Variants in CALN1 observed in about 807,000 individuals in gnomAD.
CALN1 encodes calcium-binding protein 8.
CALN1 carries 17 observed loss-of-function variants against 30.6 expected under a neutral mutation model. The ratio of observed to expected loss-of-function variants is 0.56; its 90% confidence interval spans 0.38 to 0.83. CALN1 has a LOEUF of 0.83. CALN1 is among the 40% of genes least tolerant of loss of function. The pLI, the probability that CALN1 is intolerant of heterozygous loss-of-function variation, is 0.00. For synonymous variants in CALN1, 156 were observed against 131.4 expected (o/e 1.19, Z -1.28); for missense variants, 291 against 354.9 (o/e 0.82, Z 1.45).
intron 2 of CALN1, among the ~76,000 whole-genome samples, chr7:72,342,863 A>C (rs1802446480): frequency 6.6e-6 from 1 of 152,210 alleles, no homozygotes; most frequent in Non-Finnish European, 1.5e-5. Flanking sequence ...TAGAAAAAAA[A>C]AATCATTCAA....
intron 5 of CALN1, among the ~76,000 whole-genome samples, chr7:71,882,233 T>G (rs1344229844): frequency 6.6e-6 from 1 of 152,174 alleles, no homozygotes; most frequent in Non-Finnish European, 1.5e-5. Flanking sequence ...AAGCCAGCAG[T>G]GTTGCATCTC....
chr7:72,116,087 G>A (rs1423517862), intron 3 of CALN1, among the ~76,000 whole-genome samples: 2 of 152,084 alleles, frequency 1.3e-5, no homozygotes, highest in Non-Finnish European at 1.5e-5. Context: ...TTTAAAAAGG[G>A]ATTGTGACTC....
chr7:71,850,967 C>G (rs1471562432), intron 5 of CALN1, among the ~76,000 whole-genome samples: 7 of 152,074 alleles, frequency 4.6e-5, no homozygotes, highest in African/African-American at 1.7e-4. Flanking sequence ...AATCCCAGAG[C>G]ATTGGGAGAC....
intron 3 of CALN1, among the ~76,000 whole-genome samples, chr7:72,145,070 G>T (rs1225052121): frequency 6.6e-6 from 1 of 152,186 alleles, no homozygotes; most frequent in East Asian, 1.9e-4. Flanking sequence ...AACTAGAGAA[G>T]CAAGAGCAAA....
chr7:72,359,218 CAG>C (rs1384438170), intron 2 of CALN1, among the ~76,000 whole-genome samples: 2 of 152,170 alleles, frequency 1.3e-5, no homozygotes, highest in African/African-American at 4.8e-5. Flanking sequence ...CAGACCATGT[CAG>C]AGTCACTCTT....
chr7:72,351,388 G>A (rs1217852286), intron 2 of CALN1, among the ~76,000 whole-genome samples: 1 of 151,912 alleles, frequency 6.6e-6, no homozygotes, highest in African/African-American at 2.4e-5. Flanking sequence ...CAGAAACTTA[G>A]GAATGATAAG....
chr7:72,290,978 T>C (rs1585379461), intron 2 of CALN1, among the ~76,000 whole-genome samples: 1 of 151,560 alleles, frequency 6.6e-6, no homozygotes, highest in Admixed American at 6.6e-5. Flanking sequence ...GGCTGGAGTG[T>C]AGTGGTGCAA....
At position 71,779,890 on chromosome 7, in the gene CALN1, T is replaced by A. The variant is rs570349509; in HGVS notation, c.*7885A>T. ...GAGAGCTGCCAAGCTCCAATCGTCC[T>A]GGCCATGATCAATCCCCAGCTGTGC... On this transcript the variant is annotated 3_prime_UTR_variant, in exon 7 of 7. Transcript: ENST00000395275. 3 of 152,322 alleles carry A rather than the reference T, an allele frequency of 2.0e-5. No homozygotes were observed. Among genetic ancestry groups the A allele is most frequent in the Non-Finnish European group, 4.4e-5 (3 of 68,036 alleles). 9.4% of individuals were successfully genotyped at this position (152,322 alleles called of 1,614,324 possible).
rs969829170 is a variant in CALN1 at position 71,946,610 on chromosome 7, C to T, written c.501+77047G>A. Among the ~76,000 whole-genome samples, 6 of 152,116 alleles carry T rather than the reference C, an allele frequency of 3.9e-5. No homozygotes were observed. In the East Asian group the frequency reaches 1.2e-3, roughly 29 times the overall value. On this transcript the variant is annotated intron_variant, in intron 5 of 6. Coordinates refer to ENST00000395275, the MANE Select transcript of CALN1 (RefSeq NM_031468.4). Reference sequence around the variant, plus strand: ...CTCCTGGGCTCAAGCAATCCTCCTGCGTTTGCCTCTAAAAATGCTCAGATT... The same window carrying T: ...CTCCTGGGCTCAAGCAATCCTCCTGTGTTTGCCTCTAAAAATGCTCAGATT...
At chr7:72,370,680 T>A (rs994705680) in intron 2 of CALN1, among the ~76,000 whole-genome samples, 2 of 151,606 alleles carry the variant, frequency 1.3e-5, no homozygotes, top group South Asian at 2.1e-4. Flanking sequence ...AAAGTAAAAT[T>A]AATATAGGCA....
chr7:71,921,117 C>G (rs888188623), intron 5 of CALN1, among the ~76,000 whole-genome samples: 2 of 152,148 alleles, frequency 1.3e-5, no homozygotes, highest in African/African-American at 4.8e-5. Context: ...GAAGACCAAA[C>G]ACCACATACT....
chr7:71,895,206 T>C (rs980107110), intron 5 of CALN1, among the ~76,000 whole-genome samples: 11 of 152,184 alleles, frequency 7.2e-5, no homozygotes, highest in Non-Finnish European at 1.5e-4. Flanking sequence ...CCACCTTCCT[T>C]GACCTCCCAA....
the CALN1 span, among the ~76,000 whole-genome samples, chr7:72,499,774 T>TTTCCTTCCTTCC: frequency 5.4e-4 from 64 of 118,726 alleles, no homozygotes; most frequent in East Asian, 1.1e-3. Context: ...ACTTTCTTTC[T>TTTCCTTCCTTCC]TTCCTTCCTT....
intron 3 of CALN1, among the ~76,000 whole-genome samples, chr7:72,119,611 A>G (rs1808238167): frequency 1.3e-5 from 2 of 150,798 alleles, no homozygotes; most frequent in Non-Finnish European, 3.0e-5. Flanking sequence ...GGTAATTTAT[A>G]AAGAAAAAGG....
chr7:71,827,771 T>TAAAAAAAA (rs1554347602), intron 5 of CALN1, among the ~76,000 whole-genome samples: 7 of 96,838 alleles, frequency 7.2e-5, no homozygotes, highest in African/African-American at 2.0e-4. Flanking sequence ...GACTCCATCT[T>TAAAAAAAA]AAAAAAATAA....
At chr7:72,110,656 C>CT (rs111431336) in intron 3 of CALN1, among the ~76,000 whole-genome samples, 35,557 of 139,588 alleles carry the variant, frequency 0.25, 5,201 homozygotes, top group Non-Finnish European at 0.34. Context: ...ACCTCACTAA[C>CT]TTTTTTTTTT....
At chr7:72,023,321 A>G (rs992301627) in intron 5 of CALN1, among the ~76,000 whole-genome samples, 56 of 152,174 alleles carry the variant, frequency 3.7e-4, no homozygotes, top group African/African-American at 1.3e-3. Flanking sequence ...CTCAGCAAAG[A>G]TATCCCGGAA....
At chr7:72,323,956 A>G (rs1251114831) in intron 2 of CALN1, among the ~76,000 whole-genome samples, 1 of 151,996 alleles carries the variant, frequency 6.6e-6, no homozygotes, top group Non-Finnish European at 1.5e-5. Context: ...AGGCAGGAGG[A>G]TCACTTAAGC....
chr7:71,842,521 G>C (rs774483511), intron 5 of CALN1, among the ~76,000 whole-genome samples: 4 of 152,210 alleles, frequency 2.6e-5, no homozygotes, highest in Non-Finnish European at 4.4e-5. Context: ...GGTGGCACAA[G>C]AGCAAGACAT....
Sources: gnomAD v4.1 joint callset for allele counts (sites outside exome capture counted in the v4.1 genomes callset) on GRCh38, gnomAD v4.1.1 for gene constraint, MANE v1.5 for transcripts, NCBI Gene and HGNC (gene_info 2026-07-23, HGNC 2026-07-21) for gene names.